NOX4: variants seen among roughly 807,000 people sequenced by gnomAD.
The protein encoded by NOX4 is NADPH oxidase 4, also known as kidney oxidase-1.
A neutral mutation model predicts 87.6 loss-of-function variants in NOX4; 69 were observed. The observed-to-expected ratio is 0.79, with a 90% confidence interval of 0.65 to 0.96. The LOEUF (loss-of-function observed/expected upper bound fraction) is 0.96, where lower values mean the gene tolerates loss of function less well. Among genes scored for constraint, NOX4 ranks in the 40% least tolerant of loss-of-function variants. The pLI, the probability that NOX4 is intolerant of heterozygous loss-of-function variation, is 0.00. For synonymous variants in NOX4, 275 were observed against 238.2 expected (o/e 1.15, Z -1.42); for missense variants, 680 against 681.5 (o/e 1.00, Z 0.02).
chr11:89,340,983 T>G (rs1341848128), intron 14 of NOX4, among the ~76,000 whole-genome samples: 1 of 152,174 alleles, frequency 6.6e-6, no homozygotes, highest in Non-Finnish European at 1.5e-5. Context: ...AAAAAAATAG[T>G]AAATGGAATA....
At chr11:89,483,570 T>G (rs1394441078) in intron 2 of NOX4, among the ~76,000 whole-genome samples, 2 of 140,502 alleles carry the variant, frequency 1.4e-5, no homozygotes, top group South Asian at 2.2e-4. Context: ...TTTACAGAAG[T>G]AGAGAGTAGA....
chr11:89,428,094 C>T (rs1943548914), intron 7 of NOX4, among the ~76,000 whole-genome samples: 2 of 152,262 alleles, frequency 1.3e-5, no homozygotes, highest in South Asian at 4.1e-4. Context: ...AATTTTCAAC[C>T]CAGAATTTCA....
the NOX4 span, among the ~76,000 whole-genome samples, chr11:89,506,292 AAAG>A: frequency 1.2e-5 from 1 of 84,658 alleles, no homozygotes; most frequent in Non-Finnish European, 2.7e-5. Flanking sequence ...AGGAAGAAAG[AAAG>A]AAAGAAAGAG....
chr11:89,440,567 C>T (rs1475854972), intron 6 of NOX4, 121 bp downstream of exon 6: 5 of 530,268 alleles, frequency 9.4e-6, no homozygotes, highest in Admixed American at 4.1e-5. Flanking sequence ...TCAGGTGATC[C>T]GCCCGCCTCA....
At chr11:89,438,625 T>A (rs1296909591) in intron 6 of NOX4, among the ~76,000 whole-genome samples, 3 of 84,738 alleles carry the variant, frequency 3.5e-5, no homozygotes, top group Non-Finnish European at 6.1e-5. Context: ...ATAGTATATA[T>A]TATATACTAT....
At chr11:89,375,472 T>C (rs1939766373) in intron 11 of NOX4, among the ~76,000 whole-genome samples, 1 of 151,966 alleles carries the variant, frequency 6.6e-6, no homozygotes, top group Non-Finnish European at 1.5e-5. Flanking sequence ...TGCCCAGCTA[T>C]TTTTCTTGTG....
At chr11:89,472,275 C>A (rs16913342) in intron 2 of NOX4, among the ~76,000 whole-genome samples, 1 of 152,070 alleles carries the variant, frequency 6.6e-6, no homozygotes, top group African/African-American at 2.4e-5. Flanking sequence ...ATGATCCCAG[C>A]TCATTTCTGT....
chr11:89,519,743 GA>G, the NOX4 span, among the ~76,000 whole-genome samples: 2 of 152,040 alleles, frequency 1.3e-5, no homozygotes, highest in African/African-American at 4.8e-5. Context: ...AGCAGTACAA[GA>G]GTGTGTATTT....
intron 5 of NOX4, among the ~76,000 whole-genome samples, chr11:89,440,934 G>A (rs1367992727): frequency 6.6e-6 from 1 of 152,132 alleles, no homozygotes; most frequent in Non-Finnish European, 1.5e-5. Context: ...CTATCCATCT[G>A]AGGCAAAATA....
At chr11:89,540,214 A>G in the NOX4 span, among the ~76,000 whole-genome samples, 1 of 152,172 alleles carries the variant, frequency 6.6e-6, no homozygotes, top group Non-Finnish European at 1.5e-5. Flanking sequence ...TTAGTCCAGA[A>G]CAATTCTGAA....
intron 7 of NOX4, among the ~76,000 whole-genome samples, chr11:89,426,301 G>A (rs1005409134): frequency 5.3e-5 from 8 of 152,112 alleles, no homozygotes; most frequent in Admixed American, 1.3e-4. Flanking sequence ...TGTGAGCAAC[G>A]CAGAGAAGGG....
the NOX4 span, among the ~76,000 whole-genome samples, chr11:89,523,800 A>G: frequency 6.6e-6 from 1 of 152,216 alleles, no homozygotes; most frequent in South Asian, 2.1e-4. Context: ...TTTAAAAGGA[A>G]CTAACTACTA....
At chr11:89,539,347 G>A in the NOX4 span, among the ~76,000 whole-genome samples, 2 of 151,888 alleles carry the variant, frequency 1.3e-5, no homozygotes, top group Non-Finnish European at 2.9e-5. Flanking sequence ...CAGGAAAATC[G>A]CCTGAACCCA....
At chr11:89,389,192 G>A (rs1418315990) in intron 11 of NOX4, among the ~76,000 whole-genome samples, 1 of 152,054 alleles carries the variant, frequency 6.6e-6, no homozygotes, top group Non-Finnish European at 1.5e-5. Context: ...AATTTCCTTG[G>A]AAAACCCATC....
At chr11:89,493,721 T>TTTTTTTTATTA (rs372046431), upstream of NOX4, among the ~76,000 whole-genome samples, 7 of 142,302 alleles carry the variant, frequency 4.9e-5, no homozygotes, top group African/African-American at 1.5e-4. Flanking sequence ...GCCAGATTGT[T>TTTTTTTTATTA]TTATTATTAT....
At chr11:89,388,409 A>G (rs150534665) in intron 11 of NOX4, among the ~76,000 whole-genome samples, 4 of 152,166 alleles carry the variant, frequency 2.6e-5, no homozygotes, top group African/African-American at 4.8e-5. Flanking sequence ...CTCAAATCCA[A>G]TGACTGGTCA....
In NOX4 at chr11:89,345,387, A is replaced by G. The variant is rs545916093; in HGVS notation, c.1218-3194T>C. Among the ~76,000 whole-genome samples the G allele has an allele frequency of 3.3e-5, 5 of 152,242 alleles. No individual in the cohort carries two copies. In the South Asian group the frequency reaches 8.3e-4, roughly 25 times the overall value. On this transcript the variant is annotated intron_variant, in intron 13 of 17. Transcript: ENST00000263317. ...GGAGTGAAAGCAATATGTATTCAATAGAGACTGTACTTAAAATTTTGATTT... is the reference window on the plus strand; with the variant it reads ...GGAGTGAAAGCAATATGTATTCAATGGAGACTGTACTTAAAATTTTGATTT...
chr11:89,485,520 G>A (rs190680641), intron 2 of NOX4, among the ~76,000 whole-genome samples: 166 of 151,872 alleles, frequency 1.1e-3, no homozygotes, highest in South Asian at 5.8e-3. Context: ...TGTAAAAAAC[G>A]CAACTCAAAA....
rs539657514 is a variant in NOX4, at chr11:89,421,828, T to G, written c.629+74A>C. 3.7e-4 allele frequency: 306 copies of G among 831,570 alleles called. 1 individual carries two copies. Among genetic ancestry groups the G allele is most frequent in the Non-Finnish European group, 5.3e-4 (273 of 518,446 alleles). The allele number at this position is 831,570 out of a possible 1,614,324, so 51.5% of individuals were successfully genotyped here. A position where few individuals can be genotyped will look rare whatever the true frequency, so the allele number is the denominator to read the frequency against. On this transcript the variant is annotated intron_variant, in intron 8 of 17. Transcript: ENST00000263317. Reference sequence around the variant, plus strand: ...ACACTTTTACCACCTCCTATGAAATTTCCTATAGAGTTTTCTTTCATTACC... The same window carrying G: ...ACACTTTTACCACCTCCTATGAAATGTCCTATAGAGTTTTCTTTCATTACC...
Sources: gnomAD v4.1 joint callset for allele counts (sites outside exome capture counted in the v4.1 genomes callset) on GRCh38, gnomAD v4.1.1 for gene constraint, MANE v1.5 for transcripts, NCBI Gene and HGNC (gene_info 2026-07-23, HGNC 2026-07-21) for gene names.